Variants in RBM5 observed in about 807,000 individuals in gnomAD.
RBM5 encodes the protein RNA binding motif protein 5, also known as RNA-binding protein 5.
In RBM5, 15 loss-of-function variants were observed where a neutral mutation model predicts 124.6. That is an observed-to-expected ratio of 0.12 (90% CI 0.08 to 0.19). The LOEUF (loss-of-function observed/expected upper bound fraction) is 0.19. Among genes scored for constraint, RBM5 ranks in the 10% least tolerant of loss-of-function variants. RBM5 has a pLI of 1.00. For missense variants in RBM5, 580 were observed against 1,026.5 expected (o/e 0.57, Z 5.94); for synonymous variants, 337 against 361.2 (o/e 0.93, Z 0.76).
chr3:50,094,129 A>G, intron 4 of RBM5: 2 of 302,378 alleles, frequency 6.6e-6, no homozygotes, highest in Admixed American at 4.5e-5. Flanking sequence ...TACATGCCAA[A>G]GGTAATTTTA....
intron 4 of RBM5, among the ~76,000 whole-genome samples, chr3:50,096,775 T>C (rs1274445041): frequency 6.6e-6 from 1 of 151,342 alleles, no homozygotes; most frequent in Admixed American, 6.6e-5. Flanking sequence ...TTTTATCGTT[T>C]GTTTTTTTTT....
At position 50,118,373 on chromosome 3, in the gene RBM5, A is replaced by G; in HGVS notation, c.2365A>G (p.Ser789Gly). 1.9e-6 allele frequency: 3 copies of G among 1,614,142 alleles called. No individual in the cohort carries two copies. The highest frequency in any genetic ancestry group is 2.5e-6 in the Non-Finnish European group (3 of 1,180,006). Residue 789 changes from serine to glycine, a missense_variant, in exon 25 of 25, where the codon AGC (serine) becomes GGC (glycine). Coordinates refer to ENST00000347869, the MANE Select transcript of RBM5 (RefSeq NM_005778.4). ...LKGAGLGAKGSAYGLSGADSY... is the reference protein window; with the variant it reads ...LKGAGLGAKGGAYGLSGADSY... ...GGGAGCTGGCCTAGGAGCCAAAGGC[A>G]GCGCATATGGTTTGTCGGGCGCCGA...
At chr3:50,106,486 C>T (rs866276084) in intron 10 of RBM5, among the ~76,000 whole-genome samples, 1 of 152,100 alleles carries the variant, frequency 6.6e-6, no homozygotes, top group Non-Finnish European at 1.5e-5. Context: ...AGGCTGGTCT[C>T]GAACTCTTGA....
At position 50,113,330 on chromosome 3, in the gene RBM5, G is replaced by A. The variant is rs979267340; in HGVS notation, c.1456-53G>A. ...CTTTTTTTTGACAAAATATGTAATC[G>A]ACTGACATAGCAGAAAGTCTGCATT... On this transcript the variant is annotated intron_variant, in intron 17 of 24. Coordinates refer to ENST00000347869, the MANE Select transcript of RBM5 (RefSeq NM_005778.4). 40 of 1,538,242 alleles carry A rather than the reference G, an allele frequency of 2.6e-5. No individual in the cohort carries two copies. In the African/African-American group the frequency reaches 4.7e-4, roughly 18 times the overall value.
At chr3:50,096,150 G>A (rs2090809746) in intron 4 of RBM5, among the ~76,000 whole-genome samples, 1 of 152,100 alleles carries the variant, frequency 6.6e-6, no homozygotes, top group African/African-American at 2.4e-5. Context: ...AAAGCTTATG[G>A]ATGAGTAGCT....
At chr3:50,091,980 A>G in intron 2 of RBM5, 63 bp from the exon 3 acceptor site, 1 of 1,537,210 alleles carries the variant, frequency 6.5e-7, no homozygotes, top group Non-Finnish European at 9.0e-7. Context: ...TGTATTTTTA[A>G]CTATGTCTTT....
At chr3:50,104,205 G>A in intron 7 of RBM5, 43 bp from the exon 8 acceptor site, 2 of 1,553,932 alleles carry the variant, frequency 1.3e-6, no homozygotes, top group Non-Finnish European at 8.9e-7. Context: ...AGAAAGCCTG[G>A]CCTAATGTGA....
At chr3:50,108,634 G>A (rs535108096) in intron 14 of RBM5, among the ~76,000 whole-genome samples, 7 of 152,176 alleles carry the variant, frequency 4.6e-5, no homozygotes, top group African/African-American at 1.4e-4. Flanking sequence ...TTGAACCCGA[G>A]CGGCAGAGAT....
rs114375825 is a variant in RBM5, at chr3:50,108,865, T to A, written c.1192+561T>A. 7.0e-3 allele frequency among the ~76,000 whole-genome samples: 1,066 copies of A among 152,340 alleles called. 15 individuals carry two copies. The highest frequency in any genetic ancestry group is 0.024 in the African/African-American group (1,015 of 41,572). On this transcript the variant is annotated intron_variant, in intron 14 of 24. Coordinates refer to ENST00000347869, the MANE Select transcript of RBM5 (RefSeq NM_005778.4). Reference sequence around the variant, plus strand: ...TTAATTCTTGGAATTCAACTCTGTATTTCCCCTCTCTGTGTTTGGAGTCGT... The same window carrying A: ...TTAATTCTTGGAATTCAACTCTGTAATTCCCCTCTCTGTGTTTGGAGTCGT...
chr3:50,090,120 C>T (rs1456156182), intron 1 of RBM5: 2 of 267,238 alleles, frequency 7.5e-6, no homozygotes, highest in Non-Finnish European at 1.5e-5. Flanking sequence ...GAGTCTTCTG[C>T]TTGCTCCGTA....
intron 2 of RBM5, among the ~76,000 whole-genome samples, chr3:50,091,245 C>G (rs1375714839): frequency 6.6e-6 from 1 of 152,212 alleles, no homozygotes; most frequent in Non-Finnish European, 1.5e-5. Context: ...TTTGGGGTGT[C>G]TCAGTCCCAT....
chr3:50,112,108 G>C (rs2856233), intron 17 of RBM5: 3 of 139,076 alleles, frequency 2.2e-5, no homozygotes, highest in Non-Finnish European at 4.6e-5. Flanking sequence ...GGTGGCCTTA[G>C]AAGTTGTGTC....
At chr3:50,089,494 G>C (rs1415858901) in intron 1 of RBM5, among the ~76,000 whole-genome samples, 1 of 152,266 alleles carries the variant, frequency 6.6e-6, no homozygotes, top group Non-Finnish European at 1.5e-5. Context: ...GGACGCTGGA[G>C]TCGGTCGAGC....
chr3:50,110,327 C>G, intron 15 of RBM5, 52 bp from the exon 16 acceptor site: 1 of 1,513,888 alleles, frequency 6.6e-7, no homozygotes, highest in Admixed American at 1.8e-5. Context: ...TGATTTAGCT[C>G]TCTTAAAAGG....
chr3:50,098,862 G>A (rs937540754), intron 4 of RBM5, among the ~76,000 whole-genome samples: 1 of 152,152 alleles, frequency 6.6e-6, no homozygotes, highest in African/African-American at 2.4e-5. Context: ...TTATAGGCTT[G>A]AGCCACTGTA....
chr3:50,112,847 T>C (rs924549602), intron 17 of RBM5: 1 of 152,312 alleles, frequency 6.6e-6, no homozygotes. Context: ...CTAGACTTTT[T>C]AAATTTTTAT....
chr3:50,113,445 G>A lies in RBM5; in HGVS notation c.1518G>A (p.Val506=), dbSNP rs2091184896. The A allele has an allele frequency of 6.2e-6, 10 of 1,613,902 alleles. No homozygotes were observed. The highest frequency in any genetic ancestry group is 8.5e-6 in the Non-Finnish European group (10 of 1,179,998). Reference sequence around the variant, plus strand: ...GGGATGGGGAAAAAGAGACCTACGTGCCAGCTGCAGAGTCTAGCTCCCACC... The same window carrying A: ...GGGATGGGGAAAAAGAGACCTACGTACCAGCTGCAGAGTCTAGCTCCCACC... ...LYWDGEKETY[V]PAAESSSHQQ... is the part of the protein sequence containing the mutation. Residue 506 remains valine, a synonymous_variant, in exon 18 of 25, where the codon GTG becomes GTA. Coordinates refer to ENST00000347869, the MANE Select transcript of RBM5 (RefSeq NM_005778.4).
chr3:50,102,931 G>A, intron 6 of RBM5, 152 bp from the exon 7 acceptor site: 2 of 640,574 alleles, frequency 3.1e-6, no homozygotes, highest in Non-Finnish European at 5.6e-6. Context: ...CTGAAGGATT[G>A]GATGGGCAGA....
rs529293263 is a variant in RBM5, at chr3:50,117,730, G to T, written c.2322+351G>T. The T allele has an allele frequency of 6.2e-5, 12 of 194,772 alleles. No individual in the cohort carries two copies. Among genetic ancestry groups the T allele is most frequent in the South Asian group, 3.1e-4 (3 of 9,740 alleles). 12.1% of individuals were successfully genotyped at this position (194,772 alleles called of 1,614,324 possible). A position where few individuals can be genotyped will look rare whatever the true frequency, so the allele number is the denominator to read the frequency against. Reference sequence around the variant, plus strand: ...TGGCAGGAGGAGGTTGCAGTGAGCCGAGATCACGCCACTGCACTCCAGCCT... The same window carrying T: ...TGGCAGGAGGAGGTTGCAGTGAGCCTAGATCACGCCACTGCACTCCAGCCT... On this transcript the variant is annotated intron_variant, in intron 24 of 24. Coordinates refer to ENST00000347869, the MANE Select transcript of RBM5 (RefSeq NM_005778.4). The surrounding 1 kb of genome is among the most constrained non-coding windows in gnomAD (Gnocchi z 4.2).
Sources: allele counts gnomAD v4.1 joint callset (sites outside exome capture counted in the v4.1 genomes callset), GRCh38; gene constraint gnomAD v4.1.1; non-coding constraint Gnocchi (gnomAD v3.1); transcripts MANE v1.5; gene names NCBI Gene and HGNC (gene_info 2026-07-23, HGNC 2026-07-21).